The following GRM7 variants were observed in gnomAD, a reference collection of about 807,000 sequenced individuals.
GRM7 encodes metabotropic glutamate receptor 7.
GRM7 carries 35 observed loss-of-function variants against 84.5 expected under a neutral mutation model. That is an observed-to-expected ratio of 0.41 (90% CI 0.32 to 0.55). GRM7 has a LOEUF of 0.55. GRM7 is among the 20% of genes least tolerant of loss of function. The probability of loss-of-function intolerance (pLI) is 0.19; values close to 1 mark genes in which losing one functional copy is unlikely to be tolerated. For missense variants in GRM7, 1,003 were observed against 1,194.6 expected, an observed-to-expected ratio of 0.84 and a Z score of 2.36; for synonymous variants, 487 against 455.1, an observed-to-expected ratio of 1.07 and a Z score of -0.89.
In GRM7 at chr3:7,741,119, C is replaced by G. The variant is rs1407944891; in HGVS notation, c.*713C>G. The G allele has an allele frequency of 6.6e-6, 1 of 152,284 alleles. No individual in the cohort carries two copies. Among genetic ancestry groups the G allele is most frequent in the Non-Finnish European group, 1.5e-5 (1 of 67,988 alleles). The allele number at this position is 152,284 out of a possible 1,614,324, so 9.4% of individuals were successfully genotyped here. On this transcript the variant is annotated 3_prime_UTR_variant, in exon 10 of 10. Transcript: ENST00000357716. ...ACATAAAAGGAAGGTATTGGCTGAA[C>G]TGAATAGAGGTCTTGATCTTTGGAA...
At chr3:7,312,936 CTT>C (rs372557190) in intron 4 of GRM7, among the ~76,000 whole-genome samples, 2,508 of 127,260 alleles carry the variant, frequency 0.02, 77 homozygotes, top group African/African-American at 0.061. Context: ...TTCTTTTTTT[CTT>C]TTTTTTTTTT....
At chr3:7,290,076 T>C (rs1306260958) in intron 2 of GRM7, among the ~76,000 whole-genome samples, 1 of 152,136 alleles carries the variant, frequency 6.6e-6, no homozygotes, top group Non-Finnish European at 1.5e-5. Flanking sequence ...TTAATTTCTA[T>C]ATCCCCCTCA....
chr3:6,884,654 C>T (rs1695625514), intron 1 of GRM7, among the ~76,000 whole-genome samples: 1 of 151,908 alleles, frequency 6.6e-6, no homozygotes, highest in African/African-American at 2.4e-5. Flanking sequence ...GGCTGGAGCG[C>T]AGTATCATGA....
At chr3:7,611,376 G>T (rs1696839809) in intron 8 of GRM7, among the ~76,000 whole-genome samples, 2 of 152,242 alleles carry the variant, frequency 1.3e-5, no homozygotes, top group African/African-American at 4.8e-5. Flanking sequence ...GAAACATGGG[G>T]ATGCAGAAGA....
intron 8 of GRM7, among the ~76,000 whole-genome samples, chr3:7,672,725 C>T (rs1699971233): frequency 6.6e-6 from 1 of 151,942 alleles, no homozygotes; most frequent in Admixed American, 6.6e-5. Context: ...CTGCCTCAGC[C>T]TCCCAAGTAG....
intron 6 of GRM7, among the ~76,000 whole-genome samples, chr3:7,456,377 T>C (rs953977620): frequency 6.6e-6 from 1 of 152,098 alleles, no homozygotes; most frequent in Non-Finnish European, 1.5e-5. Context: ...TGCCAGAAAC[T>C]GCTAAACATT....
At chr3:7,246,636 A>C (rs1308359030) in intron 2 of GRM7, among the ~76,000 whole-genome samples, 1 of 152,128 alleles carries the variant, frequency 6.6e-6, no homozygotes, top group Non-Finnish European at 1.5e-5. Flanking sequence ...ATAGACTGGC[A>C]CTGGGTAACG....
intron 2 of GRM7, among the ~76,000 whole-genome samples, chr3:7,261,863 G>C (rs137951528): frequency 7.7e-6 from 1 of 129,884 alleles, no homozygotes; most frequent in African/African-American, 2.9e-5. Flanking sequence ...TAGTTTGGCC[G>C]GATACAAAGT....
chr3:6,980,821 CA>C (rs1487867492), intron 1 of GRM7, among the ~76,000 whole-genome samples: 1 of 152,246 alleles, frequency 6.6e-6, no homozygotes, highest in Non-Finnish European at 1.5e-5. Context: ...GAGAAGATGA[CA>C]AAAGATGGAC....
rs557780673 is a variant in GRM7, at chr3:7,503,780, T to C, written c.1515+42058T>C. ...TTAGGGACTTAACCAATAACTCCAA[T>C]TGAACTGTCAGCTTTTTCAGGCCAG... On this transcript the variant is annotated intron_variant, in intron 7 of 9. Transcript: ENST00000357716. Among the ~76,000 whole-genome samples, 126 of 152,294 alleles carry C rather than the reference T, an allele frequency of 8.3e-4. 1 individual carries two copies. The South Asian group carries it at 0.025, about 31-fold the overall frequency.
intron 4 of GRM7, among the ~76,000 whole-genome samples, chr3:7,382,853 C>G (rs1035882804): frequency 6.6e-6 from 1 of 152,208 alleles, no homozygotes; most frequent in Non-Finnish European, 1.5e-5. Flanking sequence ...CTACATTGCA[C>G]AATCTCAGTA....
chr3:7,201,148 T>G (rs999826129), intron 2 of GRM7, among the ~76,000 whole-genome samples: 7 of 151,876 alleles, frequency 4.6e-5, no homozygotes, highest in African/African-American at 7.3e-5. Flanking sequence ...TTTTTGTATT[T>G]TTAGTAGAGA....
chr3:7,562,925 T>G (rs1050225755), intron 7 of GRM7, among the ~76,000 whole-genome samples: 1 of 151,958 alleles, frequency 6.6e-6, no homozygotes, highest in East Asian at 2.0e-4. Flanking sequence ...ATAACTATCC[T>G]AAATAACCTG....
intron 8 of GRM7, among the ~76,000 whole-genome samples, chr3:7,638,970 G>T (rs1338835930): frequency 6.6e-6 from 1 of 152,140 alleles, no homozygotes; most frequent in East Asian, 1.9e-4. Context: ...TGTCTTCCCA[G>T]GTTTTCCTCT....
chr3:7,119,521 C>A (rs950071286), intron 1 of GRM7, among the ~76,000 whole-genome samples: 2 of 152,124 alleles, frequency 1.3e-5, no homozygotes, highest in Admixed American at 6.6e-5. Flanking sequence ...AAAACAATTA[C>A]ACTCTCAAAT....
intron 4 of GRM7, among the ~76,000 whole-genome samples, chr3:7,335,633 G>C (rs567770560): frequency 6.6e-6 from 1 of 151,978 alleles, no homozygotes; most frequent in South Asian, 2.1e-4. Flanking sequence ...TCTTTGAAAA[G>C]ATAAGCAAAA....
intron 2 of GRM7, among the ~76,000 whole-genome samples, chr3:7,208,209 T>G (rs1696301933): frequency 6.6e-6 from 1 of 152,212 alleles, no homozygotes. Context: ...CTCATTTATT[T>G]TTTCAGATAA....
chr3:7,236,430 C>T (rs1434380191), intron 2 of GRM7, among the ~76,000 whole-genome samples: 1 of 152,168 alleles, frequency 6.6e-6, no homozygotes, highest in East Asian at 1.9e-4. Flanking sequence ...TTTTACATGG[C>T]TTCCTATATC....
At chr3:7,690,060 C>T (rs940389405) in intron 9 of GRM7, among the ~76,000 whole-genome samples, 15 of 152,088 alleles carry the variant, frequency 9.9e-5, no homozygotes, top group South Asian at 2.1e-4. Context: ...CAGCCATAAA[C>T]GGAAAGGCAC....
Sources: gnomAD v4.1 joint callset for allele counts (sites outside exome capture counted in the v4.1 genomes callset) on GRCh38, gnomAD v4.1.1 for gene constraint, MANE v1.5 for transcripts, NCBI Gene and HGNC (gene_info 2026-07-23, HGNC 2026-07-21) for gene names.